The following KIFC2 variants were observed in gnomAD, a reference collection of about 807,000 sequenced individuals.
KIFC2 encodes the protein kinesin-like protein KIFC2.
A neutral mutation model predicts 91.5 loss-of-function variants in KIFC2; 94 were observed. That is an observed-to-expected ratio of 1.03 (90% confidence interval 0.87 to 1.22). The LOEUF is 1.22. Among genes scored for constraint, KIFC2 ranks in the 50% most tolerant of loss-of-function variants. The probability of loss-of-function intolerance (pLI) is 0.00; values close to 1 mark genes in which losing one functional copy is unlikely to be tolerated. For synonymous variants in KIFC2, 729 were observed against 503.9 expected, an observed-to-expected ratio of 1.45 and a Z score of -5.98; for missense variants, 1,357 against 1,103.3, an observed-to-expected ratio of 1.23 and a Z score of -3.26.
chr8:144,466,822 G>A lies in KIFC2; in HGVS notation c.162G>A (p.Glu54=), dbSNP rs1006277757. 11 of 1,537,528 alleles carry A rather than the reference G, an allele frequency of 7.2e-6. No homozygotes were observed. The Middle Eastern group carries it at 1.7e-3, about 242-fold the overall frequency. ...PDLPAPELWT[E]LTGLAASSEP... ...TGCCCGCGCCAGAGCTGTGGACCGA[G>A]CTGACCGGCCTGGCCGGTAGGTGCG... Residue 54 remains glutamate, a synonymous_variant, in exon 2 of 18, where the codon GAG becomes GAA. Transcript: ENST00000645548.
Position 144,472,481 on chromosome 8 carries a change from C to T in KIFC2, c.1728C>T (p.His576=), listed in dbSNP as rs769391652. Residue 576 remains histidine (H), a synonymous_variant, in exon 15 of 18, where the codon CAC becomes CAT. Transcript: ENST00000645548. ...ACGTGCCCAACCTGGAGACATTGCACCAGGTAGGGCTGCACCGCTCTCCGA... is the reference window on the plus strand; with the variant it reads ...ACGTGCCCAACCTGGAGACATTGCATCAGGTAGGGCTGCACCGCTCTCCGA... The part of the protein sequence containing the change: ...HWDVPNLETL[H]QMLKLGRSNR... The T allele has an allele frequency of 1.9e-6, 3 of 1,611,170 alleles. No individual in the cohort carries two copies. The highest frequency in any genetic ancestry group is 1.3e-5 in the African/African-American group (1 of 74,852).
At position 144,472,577 on chromosome 8, in the gene KIFC2, A is replaced by C. The variant is rs370708993; in HGVS notation, c.1732A>C (p.Met578Leu). The C allele has an allele frequency of 9.3e-6, 15 of 1,611,160 alleles. No homozygotes were observed. Among genetic ancestry groups the C allele is most frequent in the East Asian group, 8.9e-5 (4 of 44,858 alleles). The change falls in exon 16 of 18, where the codon ATG (methionine) becomes CTG (leucine). Residue 578 changes from methionine to leucine, a missense_variant and splice_region_variant. By Grantham distance (15) the Met-to-Leu change is conservative. Coordinates refer to ENST00000645548, the MANE Select transcript of KIFC2 (RefSeq NM_001369769.2). ...ACCAGCCCTTCGCCCCGCCTTCCAGATGCTGAAACTGGGGAGGAGCAACCG... is the reference window on the plus strand; with the variant it reads ...ACCAGCCCTTCGCCCCGCCTTCCAGCTGCTGAAACTGGGGAGGAGCAACCG... Reference protein sequence around the residue: ...DVPNLETLHQMLKLGRSNRAT... With the variant: ...DVPNLETLHQLLKLGRSNRAT...
At chr8:144,466,706 G>A in intron 1 of KIFC2, 54 bp from the exon 2 acceptor site, 3 of 1,393,664 alleles carry the variant, frequency 2.2e-6, no homozygotes, top group East Asian at 2.8e-5. Flanking sequence ...CGGAGGGAAG[G>A]GGCCAGCAGG....
intron 10 of KIFC2, 74 bp from the exon 11 acceptor site, chr8:144,469,197 C>A: frequency 7.9e-7 from 1 of 1,265,058 alleles, no homozygotes; most frequent in Non-Finnish European, 1.1e-6. Flanking sequence ...CTGCTGCTCT[C>A]AGGACCCTCC....
In KIFC2 at chr8:144,472,558, C is replaced by T. The variant is rs376200327; in HGVS notation, c.1732-19C>T. The T allele has an allele frequency of 2.9e-5, 47 of 1,612,022 alleles. No homozygotes were observed. The African/African-American group carries it at 4.7e-4, about 16-fold the overall frequency. ...GGCGGGGACCCTGCACCTGACCAGC[C>T]CTTCGCCCCGCCTTCCAGATGCTGA... On this transcript the variant is annotated intron_variant, in intron 15 of 17. Transcript: ENST00000645548.
rs1169741807 is a variant in KIFC2 at position 144,467,713 on chromosome 8, G to C, written c.616-1G>C. On this transcript the variant is annotated splice_acceptor_variant, in intron 5 of 17. Coordinates refer to ENST00000645548, the MANE Select transcript of KIFC2 (RefSeq NM_001369769.2). LOFTEE classifies it high-confidence loss of function. ...ACCCTGTCTCTCTTACTTCTCCCCAGCTGGAGGAGCTGAAGCAGCAGCTGG... is the reference window on the plus strand; with the variant it reads ...ACCCTGTCTCTCTTACTTCTCCCCACCTGGAGGAGCTGAAGCAGCAGCTGG... The C allele has an allele frequency of 6.2e-7, 1 of 1,613,814 alleles. No homozygotes were observed. The highest frequency in any genetic ancestry group is 1.7e-5 in the Admixed American group (1 of 60,002).
At position 144,473,325 on chromosome 8, in the gene KIFC2, C is replaced by G. The variant is rs747998600; in HGVS notation, c.2312C>G (p.Pro771Arg). The change falls in exon 18 of 18, where the codon CCA becomes CGA. Residue 771 changes from proline (P) to arginine (R), a missense_variant. Physicochemically the swap from Pro to Arg is moderately radical, Grantham distance 103. Coordinates refer to ENST00000645548, the MANE Select transcript of KIFC2 (RefSeq NM_001369769.2). ...CCTACGCCGTCCCCTGGCAGTCCTC[C>G]ATGCCCCAGTCCCGACAACGGCTCG... ...CTPTPSPGSPPCPSPDNGSGS... is the reference protein window; with the variant it reads ...CTPTPSPGSPRCPSPDNGSGS... The G allele has an allele frequency of 6.2e-7, 1 of 1,601,224 alleles. No individual in the cohort carries two copies. The highest frequency in any genetic ancestry group is 2.3e-5 in the East Asian group (1 of 44,274).
rs1263581494 is a variant in KIFC2 at position 144,466,486 on chromosome 8, G to A, written c.67G>A (p.Ala23Thr). 6 of 1,322,812 alleles carry A rather than the reference G, an allele frequency of 4.5e-6. No homozygotes were observed. Among genetic ancestry groups the A allele is most frequent in the Middle Eastern group, 2.0e-4 (1 of 4,906 alleles). The allele number at this position is 1,322,812 out of a possible 1,614,324, so 81.9% of individuals were successfully genotyped here. Residue 23 changes from alanine to threonine, a missense_variant, in exon 1 of 18, where the codon GCG becomes ACG. Ala to Thr is a moderately conservative substitution (Grantham distance 58). Coordinates refer to ENST00000645548, the MANE Select transcript of KIFC2 (RefSeq NM_001369769.2). ...YSLFRRDGGA[A>T]AAAEPGDPAQ... is the part of the protein sequence containing the mutation. ...CCTCTTCCGCAGGGATGGTGGCGCC[G>A]CGGCGGCCGCGGAGCCCGGGGACCC...
intron 12 of KIFC2, 88 bp from the exon 13 acceptor site, chr8:144,471,854 T>A: frequency 8.6e-7 from 1 of 1,167,174 alleles, no homozygotes; most frequent in African/African-American, 1.5e-5. Context: ...TGCTCACACC[T>A]GCCTTCGTGG....
At chr8:144,473,088 TCGC>T (rs1825001746) in intron 17 of KIFC2, 37 bp downstream of exon 17, 1 of 1,529,706 alleles carries the variant, frequency 6.5e-7, no homozygotes, top group East Asian at 2.5e-5. Context: ...TGCGTGCCGG[TCGC>T]CGCCCACCCG....
At chr8:144,468,444 A>G (rs1232227443) in intron 8 of KIFC2, 38 bp downstream of exon 8, 2 of 1,364,766 alleles carry the variant, frequency 1.5e-6, no homozygotes, top group South Asian at 2.4e-5. Flanking sequence ...CTCAGGGGTG[A>G]GGCGGGCTGG....
intron 12 of KIFC2, among the ~76,000 whole-genome samples, chr8:144,471,568 C>T (rs573474887): frequency 6.6e-6 from 1 of 152,150 alleles, no homozygotes; most frequent in Non-Finnish European, 1.5e-5. Flanking sequence ...CCTCCTTGGC[C>T]TCTCAAAATG....
Position 144,472,228 on chromosome 8 carries a change from A to G in KIFC2, c.1576A>G (p.Ser526Gly). 6.2e-7 allele frequency: 1 copy of G among 1,612,968 alleles called. No homozygotes were observed. Among genetic ancestry groups the G allele is most frequent in the Non-Finnish European group, 8.5e-7 (1 of 1,179,870 alleles). The change falls in exon 14 of 18, where the codon AGC becomes GGC. Residue 526 changes from serine (S) to glycine (G), a missense_variant. Ser to Gly is a moderately conservative substitution (Grantham distance 56, BLOSUM62 0). Transcript: ENST00000645548. ...CGGCCGGCAGCACCGGGTGACACTC[A>G]GCATGGTGGAGATCTACAATGAGGC... is the stretch of plus-strand genomic sequence containing the variant. The part of the protein sequence containing the change: ...GAGRQHRVTL[S>G]MVEIYNEAVR...
Position 144,469,585 on chromosome 8 carries a change from C to CG in KIFC2, c.1323dup (p.Arg442AlafsTer58). ...AGGGGGCACCGTCACCACCTGCTAC[C>CG]GGGGGCGCCATCGTCGATTCCGCCT... On this transcript the variant is annotated frameshift_variant, in exon 12 of 18. Coordinates refer to ENST00000645548, the MANE Select transcript of KIFC2 (RefSeq NM_001369769.2). LOFTEE classifies it high-confidence loss of function. 1 of 1,612,968 alleles carries CG rather than the reference C, an allele frequency of 6.2e-7. No homozygotes were observed. Among genetic ancestry groups the CG allele is most frequent in the Non-Finnish European group, 8.5e-7 (1 of 1,179,744 alleles).
Position 144,467,895 on chromosome 8 carries a change from A to G in KIFC2, c.718A>G (p.Thr240Ala). ...CTCAGAGAAAAGGGTTCAGCATCTG[A>G]CTCTGGAGAACGAGGCCCTGAAGCA... is the stretch of plus-strand genomic sequence containing the variant. Reference protein sequence around the residue: ...TDSEKRVQHLTLENEALKQSL... With the variant: ...TDSEKRVQHLALENEALKQSL... Residue 240 changes from threonine to alanine, a missense_variant, in exon 7 of 18, where the codon ACT becomes GCT. Transcript: ENST00000645548. 1.9e-6 allele frequency: 3 copies of G among 1,612,826 alleles called. No individual in the cohort carries two copies. The South Asian group carries it at 3.3e-5, about 18-fold the overall frequency.
In KIFC2 at chr8:144,473,674, C is replaced by T. The variant is rs995819341; in HGVS notation, c.*285C>T. 4.1e-6 allele frequency: 2 copies of T among 483,390 alleles called. No homozygotes were observed. The highest frequency in any genetic ancestry group is 7.0e-6 in the Non-Finnish European group (2 of 283,782). The allele number at this position is 483,390 out of a possible 1,614,324, so 29.9% of individuals were successfully genotyped here. A position where few individuals can be genotyped will look rare whatever the true frequency, so the allele number is the denominator to read the frequency against. ...ACGGCACACAGCAGGGAATCCCAGGCCCCCCCGCCAAGTGGTTACCCAAGT... is the reference window on the plus strand; with the variant it reads ...ACGGCACACAGCAGGGAATCCCAGGTCCCCCCGCCAAGTGGTTACCCAAGT... On this transcript the variant is annotated 3_prime_UTR_variant, in exon 18 of 18. Coordinates refer to ENST00000645548, the MANE Select transcript of KIFC2 (RefSeq NM_001369769.2).
chr8:144,467,821 G>A lies in KIFC2; in HGVS notation c.682-38G>A, dbSNP rs377408389. 4.3e-6 allele frequency: 7 copies of A among 1,613,340 alleles called. No individual in the cohort carries two copies. The African/African-American group carries it at 6.7e-5, about 15-fold the overall frequency. ...ACCTGGCAGGGCCGGGCATGGAGGG[G>A]GTGCTTCAGGTGAGTGCCGAGGTTT... On this transcript the variant is annotated intron_variant, in intron 6 of 17. Coordinates refer to ENST00000645548, the MANE Select transcript of KIFC2 (RefSeq NM_001369769.2).
At chr8:144,471,914 T>C (rs182607653) in intron 12 of KIFC2, 28 bp from the exon 13 acceptor site, 1 of 1,606,990 alleles carries the variant, frequency 6.2e-7, no homozygotes, top group Non-Finnish European at 8.5e-7. Context: ...TGGGGAGGAC[T>C]CAAAACACAT....
rs559200949 is a variant in KIFC2, at chr8:144,466,750, C to T, written c.100-10C>T. The T allele has an allele frequency of 1.5e-5, 23 of 1,523,396 alleles. No homozygotes were observed. The highest frequency in any genetic ancestry group is 5.6e-5 in the African/African-American group (4 of 71,400). The allele number at this position is 1,523,396 out of a possible 1,614,324, so 94.4% of individuals were successfully genotyped here. A position where few individuals can be genotyped will look rare whatever the true frequency, so the allele number is the denominator to read the frequency against. Reference sequence around the variant, plus strand: ...CCCCCTCCTCAGGGGCGCCCCTGCCCCCTCCCTAGAGAGCCCGCAAGCCCC... The same window carrying T: ...CCCCCTCCTCAGGGGCGCCCCTGCCTCCTCCCTAGAGAGCCCGCAAGCCCC... On this transcript the variant is annotated splice_polypyrimidine_tract_variant and intron_variant, in intron 1 of 17. Coordinates refer to ENST00000645548, the MANE Select transcript of KIFC2 (RefSeq NM_001369769.2).
Sources: gnomAD v4.1 joint callset for allele counts (sites outside exome capture counted in the v4.1 genomes callset) on GRCh38, gnomAD v4.1.1 for gene constraint, MANE v1.5 for transcripts, NCBI Gene and HGNC (gene_info 2026-07-23, HGNC 2026-07-21) for gene names.